Variants in LRBA observed in about 807,000 individuals in gnomAD.
The protein encoded by LRBA is LPS responsive beige-like anchor protein.
A neutral mutation model predicts 330.0 loss-of-function variants in LRBA; 176 were observed. That is an observed-to-expected ratio of 0.53 (90% CI 0.47 to 0.60). The LOEUF (loss-of-function observed/expected upper bound fraction) is 0.60, where lower values mean the gene tolerates loss of function less well. LRBA is among the 20% of genes least tolerant of loss of function. LRBA has a pLI of 0.00. For missense variants in LRBA, 3,259 were observed against 3,444.8 expected, an observed-to-expected ratio of 0.95 and a Z score of 1.35; for synonymous variants, 1,230 against 1,193.0, an observed-to-expected ratio of 1.03 and a Z score of -0.64.
Position 150,853,282 on chromosome 4 carries a change from A to G in LRBA, c.2767-339T>C, listed in dbSNP as rs577755524. Among the ~76,000 whole-genome samples the G allele has an allele frequency of 1.8e-4, 28 of 152,318 alleles. No homozygotes were observed. The South Asian group carries it at 3.9e-3, about 21-fold the overall frequency. ...AGAATTTAAGTATGTACCATTGGGAAGTGCTTTATGCACTGGATAACACTT... is the reference window on the plus strand; with the variant it reads ...AGAATTTAAGTATGTACCATTGGGAGGTGCTTTATGCACTGGATAACACTT... On this transcript the variant is annotated intron_variant, in intron 22 of 56. Transcript: ENST00000651943.
intron 42 of LRBA, among the ~76,000 whole-genome samples, chr4:150,472,022 A>G (rs1756193138): frequency 6.6e-6 from 1 of 152,134 alleles, no homozygotes. Flanking sequence ...AGTATAATTA[A>G]TAATTCACTG....
chr4:150,502,495 AC>A (rs1226233267), intron 40 of LRBA, among the ~76,000 whole-genome samples: 1 of 152,242 alleles, frequency 6.6e-6, no homozygotes, highest in African/African-American at 2.4e-5. Flanking sequence ...AACATGACCC[AC>A]ATGAGGAGAG....
chr4:150,427,784 T>A (rs1363628310), intron 46 of LRBA, among the ~76,000 whole-genome samples: 3 of 152,076 alleles, frequency 2.0e-5, no homozygotes, highest in Admixed American at 6.5e-5. Flanking sequence ...TTAAGTTTTT[T>A]AAAAAATAAA....
chr4:150,993,003 C>T (rs1395782527), intron 2 of LRBA, among the ~76,000 whole-genome samples: 2 of 151,902 alleles, frequency 1.3e-5, no homozygotes, highest in Non-Finnish European at 2.9e-5. Context: ...AAAATAAGGC[C>T]GGGTGCAGTG....
At chr4:150,529,209 T>C (rs1763800063) in intron 40 of LRBA, among the ~76,000 whole-genome samples, 1 of 152,202 alleles carries the variant, frequency 6.6e-6, no homozygotes, top group Non-Finnish European at 1.5e-5. Flanking sequence ...TGCAGGTCTG[T>C]GTGTCTATCA....
At chr4:150,352,755 G>T (rs1737349334) in intron 47 of LRBA, among the ~76,000 whole-genome samples, 1 of 152,098 alleles carries the variant, frequency 6.6e-6, no homozygotes, top group South Asian at 2.1e-4. Flanking sequence ...TAGGGATGGG[G>T]GTATGGGGTA....
At chr4:150,704,374 T>C (rs2127008279) in intron 36 of LRBA, among the ~76,000 whole-genome samples, 1 of 151,744 alleles carries the variant, frequency 6.6e-6, no homozygotes, top group African/African-American at 2.4e-5. Flanking sequence ...TTATTATCAT[T>C]ATTATTATTA....
chr4:150,993,805 A>C (rs1006191692), intron 2 of LRBA, among the ~76,000 whole-genome samples: 6 of 152,126 alleles, frequency 3.9e-5, no homozygotes, highest in African/African-American at 1.2e-4. Flanking sequence ...ATTATCTCAC[A>C]CCGGGTCCCT....
intron 47 of LRBA, among the ~76,000 whole-genome samples, chr4:150,385,791 A>G (rs1742972602): frequency 6.6e-6 from 1 of 152,134 alleles, no homozygotes. Flanking sequence ...GTACATTTCC[A>G]GCCAGCAGAG....
chr4:150,962,924 A>T (rs1362858351), intron 2 of LRBA, among the ~76,000 whole-genome samples: 1 of 148,178 alleles, frequency 6.7e-6, no homozygotes, highest in Non-Finnish European at 1.5e-5. Context: ...ACTGCACTCC[A>T]GCCTGGGTGA....
intron 22 of LRBA, among the ~76,000 whole-genome samples, chr4:150,864,522 A>G (rs1752422299): frequency 6.6e-6 from 1 of 152,080 alleles, no homozygotes; most frequent in Non-Finnish European, 1.5e-5. Context: ...TTGCTTTTGC[A>G]TTCAATCTGT....
intron 40 of LRBA, among the ~76,000 whole-genome samples, chr4:150,497,762 T>C (rs1759762939): frequency 6.6e-6 from 1 of 152,192 alleles, no homozygotes; most frequent in South Asian, 2.1e-4. Flanking sequence ...GATGGGGCAG[T>C]TGGGAGGGGC....
At chr4:150,914,013 C>T (rs1732293297) in intron 9 of LRBA, among the ~76,000 whole-genome samples, 182 bp downstream of exon 9, 1 of 152,128 alleles carries the variant, frequency 6.6e-6, no homozygotes, top group African/African-American at 2.4e-5. Flanking sequence ...GAAAACCATC[C>T]AATTACACTA....
chr4:150,736,659 A>G (rs1731220401), intron 35 of LRBA, among the ~76,000 whole-genome samples: 1 of 152,226 alleles, frequency 6.6e-6, no homozygotes, highest in African/African-American at 2.4e-5. Flanking sequence ...GAGTAGATAC[A>G]TAATTAGAAA....
intron 22 of LRBA, among the ~76,000 whole-genome samples, chr4:150,865,754 T>C (rs1272270487): frequency 6.7e-6 from 1 of 149,724 alleles, no homozygotes; most frequent in East Asian, 2.0e-4. Context: ...TCTCACTGTC[T>C]CACCAGGCTA....
At chr4:150,661,296 C>A (rs931306605) in intron 37 of LRBA, among the ~76,000 whole-genome samples, 1 of 151,118 alleles carries the variant, frequency 6.6e-6, no homozygotes, top group Non-Finnish European at 1.5e-5. Context: ...CATGGTAAGA[C>A]CCCATCTCTA....
intron 4 of LRBA, 115 bp downstream of exon 4, chr4:150,928,401 A>T (rs919622584): frequency 6.6e-5 from 43 of 654,444 alleles, no homozygotes; most frequent in Non-Finnish European, 1.1e-4. Context: ...ATTTTAATTA[A>T]TCTATTCAAT....
Position 150,852,504 on chromosome 4 carries a change from C to T in LRBA, c.3206G>A (p.Gly1069Asp), listed in dbSNP as rs1750733928. ...TTCACTGACAGTCATTGAATCTTTG[C>T]CAGTTGTTATAAAAGAATTAGAGGA... is the stretch of plus-strand genomic sequence containing the variant. ...AISSNSFITTGKDSMTVSEVT... is the reference protein window; with the variant it reads ...AISSNSFITTDKDSMTVSEVT... The change falls in exon 23 of 57, where the codon GGC becomes GAC. Residue 1069 changes from glycine (G) to aspartate (D), a missense_variant. Physicochemically the swap from Gly to Asp is moderately conservative, Grantham distance 94. Transcript: ENST00000651943. 6.2e-7 allele frequency: 1 copy of T among 1,613,650 alleles called. No individual in the cohort carries two copies. The highest frequency in any genetic ancestry group is 8.5e-7 in the Non-Finnish European group (1 of 1,179,896).
chr4:150,730,250 G>A (rs1730256801), intron 36 of LRBA, among the ~76,000 whole-genome samples: 2 of 152,180 alleles, frequency 1.3e-5, no homozygotes, highest in Non-Finnish European at 2.9e-5. Context: ...CTACCCATCT[G>A]ACAAGAGATT....
Sources: allele counts gnomAD v4.1 joint callset (sites outside exome capture counted in the v4.1 genomes callset), GRCh38; gene constraint gnomAD v4.1.1; transcripts MANE v1.5; gene names NCBI Gene and HGNC (gene_info 2026-07-23, HGNC 2026-07-21).